Variants in EIF5B observed in about 807,000 individuals in gnomAD.
EIF5B encodes the protein eukaryotic translation initiation factor 5B.
A neutral mutation model predicts 147.5 loss-of-function variants in EIF5B; 47 were observed. That is an observed-to-expected ratio of 0.32 (90% CI 0.25 to 0.41). The LOEUF (loss-of-function observed/expected upper bound fraction) is 0.41, where lower values mean the gene tolerates loss of function less well. EIF5B is among the 10% of genes least tolerant of loss of function. The pLI, the probability that EIF5B is intolerant of heterozygous loss-of-function variation, is 1.00. For missense variants in EIF5B, 1,064 were observed against 1,413.2 expected, an observed-to-expected ratio of 0.75 and a Z score of 3.96; for synonymous variants, 455 against 456.2, an observed-to-expected ratio of 1.00 and a Z score of 0.03.
chr2:99,351,834 A>T (rs1673974037), intron 1 of EIF5B, among the ~76,000 whole-genome samples: 2 of 152,048 alleles, frequency 1.3e-5, no homozygotes, highest in Admixed American at 6.6e-5. Context: ...AGTACCTAGG[A>T]TTACAGGCAC....
chr2:99,353,340 G>A (rs371049837), intron 1 of EIF5B, among the ~76,000 whole-genome samples: 4 of 151,520 alleles, frequency 2.6e-5, no homozygotes, highest in African/African-American at 9.7e-5. Context: ...TGTAGTTTTT[G>A]TAGAGTCAGG....
At position 99,357,334 on chromosome 2, in the gene EIF5B, G is replaced by A. The variant is rs534420301; in HGVS notation, c.36-2902G>A. 2.6e-5 allele frequency among the ~76,000 whole-genome samples: 4 copies of A among 152,280 alleles called. No individual in the cohort carries two copies. In the East Asian group the frequency reaches 7.7e-4, roughly 29 times the overall value. ...TTCTAGGAAGGCAGTAGAACCTGGT[G>A]TTAAAATTTGGGCTTGAATTCCTGG... On this transcript the variant is annotated intron_variant, in intron 1 of 23. Transcript: ENST00000289371.
chr2:99,368,339 C>A (rs748711728), intron 6 of EIF5B, among the ~76,000 whole-genome samples, 154 bp from the exon 7 acceptor site: 1 of 151,966 alleles, frequency 6.6e-6, no homozygotes, highest in Non-Finnish European at 1.5e-5. Flanking sequence ...TTTTAAAATA[C>A]CTTATATGTA....
At position 99,360,310 on chromosome 2, in the gene EIF5B, C is replaced by T. The variant is rs779674930; in HGVS notation, c.110C>T (p.Pro37Leu). 3 of 1,611,154 alleles carry T rather than the reference C, an allele frequency of 1.9e-6. No individual in the cohort carries two copies. Among genetic ancestry groups the T allele is most frequent in the Non-Finnish European group, 8.5e-7 (1 of 1,179,098 alleles). Residue 37 changes from proline (P) to leucine (L), a missense_variant, in exon 2 of 24, where the codon CCT becomes CTT. Physicochemically the swap from Pro to Leu is moderately conservative, Grantham distance 98. Around this residue, in one of 4 missense-constraint regions of EIF5B, gnomAD observed 458 missense variants for 451.3 expected, o/e 1.01. Coordinates refer to ENST00000289371, the MANE Select transcript of EIF5B (RefSeq NM_015904.4). The stretch of plus-strand genomic sequence containing the variant: ...GCTGGTGCTGCCAAAGAACAGGAGC[C>T]TCAAAAGTCAAAAGGGAAAAAGAAA... ...EGAGAAKEQE[P>L]QKSKGKKKKE...
chr2:99,384,199 A>AAAAAAAAAAG, intron 14 of EIF5B, among the ~76,000 whole-genome samples: 1 of 151,038 alleles, frequency 6.6e-6, no homozygotes, highest in Non-Finnish European at 1.5e-5. Flanking sequence ...TCCGTCTCAA[A>AAAAAAAAAAG]AAAAAAAAGA....
intron 21 of EIF5B, among the ~76,000 whole-genome samples, chr2:99,395,285 A>G (rs1277675528): frequency 6.6e-6 from 1 of 152,216 alleles, no homozygotes; most frequent in Non-Finnish European, 1.5e-5. Flanking sequence ...CACAGTACCT[A>G]CATTGCTGCA....
intron 6 of EIF5B, among the ~76,000 whole-genome samples, chr2:99,366,303 T>C (rs1318820997): frequency 1.3e-5 from 2 of 152,196 alleles, no homozygotes; most frequent in African/African-American, 2.4e-5. Flanking sequence ...TAGGGTGTTA[T>C]TGGGACCACC....
At chr2:99,389,895 T>G (rs1281074334) in intron 15 of EIF5B, 46 bp downstream of exon 15, 2 of 1,558,976 alleles carry the variant, frequency 1.3e-6, no homozygotes, top group Non-Finnish European at 1.7e-6. Flanking sequence ...TCAGAATATG[T>G]ATTATATTAT....
At chr2:99,370,811 T>C (rs1166385613) in intron 8 of EIF5B, among the ~76,000 whole-genome samples, 1 of 152,254 alleles carries the variant, frequency 6.6e-6, no homozygotes, top group Non-Finnish European at 1.5e-5. Flanking sequence ...CTTTAATGTC[T>C]AAATAATATT....
intron 8 of EIF5B, 29 bp from the exon 9 acceptor site, chr2:99,371,627 G>T (rs778407811): frequency 2.5e-6 from 4 of 1,584,796 alleles, no homozygotes; most frequent in East Asian, 2.3e-5. Flanking sequence ...AATAATTTTT[G>T]TGTCTTAAAT....
At chr2:99,356,089 AT>A (rs557272918) in intron 1 of EIF5B, among the ~76,000 whole-genome samples, 2 of 152,030 alleles carry the variant, frequency 1.3e-5, no homozygotes, top group Non-Finnish European at 1.5e-5. Context: ...CTTTGTGTAG[AT>A]TTCTTTAGTT....
chr2:99,354,141 T>C (rs1355322776), intron 1 of EIF5B, among the ~76,000 whole-genome samples: 4 of 152,234 alleles, frequency 2.6e-5, no homozygotes, highest in Non-Finnish European at 5.9e-5. Context: ...CCATTTTATA[T>C]TTCTACCAGC....
In EIF5B at chr2:99,360,249, A is replaced by G. The variant is rs971945909; in HGVS notation, c.49A>G (p.Ile17Val). 7 of 1,601,286 alleles carry G rather than the reference A, an allele frequency of 4.4e-6. No homozygotes were observed. Among genetic ancestry groups the G allele is most frequent in the Non-Finnish European group, 5.9e-6 (7 of 1,176,494 alleles). ...NKSEDSTKDD[I>V]DLDALAAEIE... ...TTTTCATTTAAGCACCAAGGATGAC[A>G]TTGATCTTGATGCCTTGGCTGCAGA... The change falls in exon 2 of 24, where the codon ATT (isoleucine) becomes GTT (valine). Residue 17 changes from isoleucine (I) to valine (V), a missense_variant. By Grantham distance (29) the Ile-to-Val change is conservative. Coordinates refer to ENST00000289371, the MANE Select transcript of EIF5B (RefSeq NM_015904.4).
chr2:99,376,341 T>C lies in EIF5B; in HGVS notation c.1553-6T>C. 4 of 1,367,596 alleles carry C rather than the reference T, an allele frequency of 2.9e-6. No homozygotes were observed. The highest frequency in any genetic ancestry group is 4.0e-6 in the Non-Finnish European group (4 of 1,009,844). 84.7% of individuals were successfully genotyped at this position (1,367,596 alleles called of 1,614,324 possible). On this transcript the variant is annotated splice_region_variant and splice_polypyrimidine_tract_variant and intron_variant, in intron 9 of 23. Coordinates refer to ENST00000289371, the MANE Select transcript of EIF5B (RefSeq NM_015904.4). ...TATTTATTTAAAAATATATTTGCTT[T>C]CGTAGTAGAAGGAAACAAAGTTCAT...
chr2:99,397,803 C>A (rs1474428488), intron 22 of EIF5B: 1 of 152,108 alleles, frequency 6.6e-6, no homozygotes, highest in African/African-American at 2.4e-5. Flanking sequence ...CCTTTAGTAC[C>A]CACTGGCAAG....
intron 8 of EIF5B, among the ~76,000 whole-genome samples, chr2:99,370,329 A>G (rs150564818): frequency 1.3e-5 from 2 of 152,260 alleles, no homozygotes; most frequent in East Asian, 3.9e-4. Flanking sequence ...GCCTAAATGT[A>G]TGTTTGGTAT....
chr2:99,369,490 T>A lies in EIF5B; in HGVS notation c.1477+9T>A. 6.3e-7 allele frequency: 1 copy of A among 1,595,424 alleles called. No individual in the cohort carries two copies. Among genetic ancestry groups the A allele is most frequent in the Non-Finnish European group, 8.6e-7 (1 of 1,168,688 alleles). On this transcript the variant is annotated intron_variant, in intron 8 of 23. Transcript: ENST00000289371. ...ACCTCCTGTTGAACCAGGCGGGTAG[T>A]GTTATCTGATTATTTAATTAGTGAA... is the stretch of plus-strand genomic sequence containing the variant.
chr2:99,390,531 T>TA lies in EIF5B; in HGVS notation c.2587-11dup. ...TGTATGTATGTCTTTCTCTTTGCAT[T>TA]AATGCCTTTTAGGTTAAAGCTCTCC... is the stretch of plus-strand genomic sequence containing the variant. On this transcript the variant is annotated splice_polypyrimidine_tract_variant and intron_variant, in intron 16 of 23. Transcript: ENST00000289371. The TA allele has an allele frequency of 6.2e-7, 1 of 1,601,682 alleles. No homozygotes were observed. Among genetic ancestry groups the TA allele is most frequent in the East Asian group, 2.2e-5 (1 of 44,572 alleles).
At chr2:99,366,152 GCTT>G (rs1674324913) in intron 6 of EIF5B, among the ~76,000 whole-genome samples, 1 of 152,154 alleles carries the variant, frequency 6.6e-6, no homozygotes, top group South Asian at 2.1e-4. Context: ...CAGGCAAAGA[GCTT>G]CTTCAAGAAC....
Sources: allele counts gnomAD v4.1 joint callset (sites outside exome capture counted in the v4.1 genomes callset), GRCh38; gene constraint gnomAD v4.1.1; regional missense constraint gnomAD v4.1.1; transcripts MANE v1.5; gene names NCBI Gene and HGNC (gene_info 2026-07-23, HGNC 2026-07-21).